Variants in ZNF85 observed in about 807,000 individuals in gnomAD.
ZNF85 encodes the protein zinc finger protein 85.
Under a neutral mutation model 53.9 loss-of-function variants are expected in ZNF85, and 50 were observed. The ratio of observed to expected loss-of-function variants is 0.93; its 90% confidence interval spans 0.74 to 1.17. The LOEUF is 1.17. Ranked by LOEUF, ZNF85 falls within the 50% of genes most tolerant of loss-of-function variation. ZNF85 has a pLI of 0.00. For synonymous variants in ZNF85, 225 were observed against 226.1 expected (o/e 1.00, Z 0.04); for missense variants, 747 against 688.5 (o/e 1.08, Z -0.95).
intron 1 of ZNF85, among the ~76,000 whole-genome samples, chr19:20,930,107 C>G (rs925130586): frequency 1.0e-5 from 1 of 98,492 alleles, no homozygotes; most frequent in African/African-American, 4.0e-5. Flanking sequence ...GGTGACAGAG[C>G]AAGACTCCGT....
intron 1 of ZNF85, among the ~76,000 whole-genome samples, chr19:20,924,448 A>C (rs1454749785): frequency 6.6e-6 from 1 of 152,160 alleles, no homozygotes; most frequent in East Asian, 1.9e-4. Context: ...GACTAGAGCC[A>C]CCTCAGTCTA....
chr19:20,943,984 C>T (rs1973363549), intron 3 of ZNF85: 2 of 312,492 alleles, frequency 6.4e-6, no homozygotes, highest in Admixed American at 6.5e-5. Context: ...TTACTTTCAG[C>T]TTATTTGACT....
rs1972800855 is a variant in ZNF85 at position 20,923,364 on chromosome 19, C to T, written c.-37C>T. On this transcript the variant is annotated 5_prime_UTR_variant, in exon 1 of 4. Transcript: ENST00000328178. ...TGTGGCCTGCAGGTATTGGGAGATC[C>T]ACAGCTAAGACGCCGGGACCCCCTG... 1 of 1,614,088 alleles carries T rather than the reference C, an allele frequency of 6.2e-7. No homozygotes were observed.
chr19:20,938,845 G>GTT (rs1973220665), intron 3 of ZNF85, among the ~76,000 whole-genome samples: 1 of 120,956 alleles, frequency 8.3e-6, no homozygotes, highest in Admixed American at 8.3e-5. Context: ...ACCATATTCT[G>GTT]CTATATGTGT....
Position 20,950,281 on chromosome 19 carries a change from C to A in ZNF85, c.1767C>A (p.Thr589=). ...SVLTKHKIIH[T]GEKLQI is the part of the protein sequence containing the mutation. ...TTACTAAACATAAGATAATTCATACCGGAGAAAAATTACAAATATGAAAAT... is the reference window on the plus strand; with the variant it reads ...TTACTAAACATAAGATAATTCATACAGGAGAAAAATTACAAATATGAAAAT... The change falls in exon 4 of 4, where the codon ACC becomes ACA. Residue 589 remains threonine, a synonymous_variant. Coordinates refer to ENST00000328178, the MANE Select transcript of ZNF85 (RefSeq NM_003429.5). 1.3e-6 allele frequency: 2 copies of A among 1,523,628 alleles called. No individual in the cohort carries two copies. The highest frequency in any genetic ancestry group is 1.8e-6 in the Non-Finnish European group (2 of 1,139,498). 94.4% of individuals were successfully genotyped at this position (1,523,628 alleles called of 1,614,324 possible).
At chr19:20,930,925 A>T (rs2144613231) in intron 1 of ZNF85, among the ~76,000 whole-genome samples, 1 of 152,272 alleles carries the variant, frequency 6.6e-6, no homozygotes. Flanking sequence ...GACATGCACC[A>T]CCACACCCAG....
At chr19:20,931,808 C>T (rs929233958) in intron 1 of ZNF85, among the ~76,000 whole-genome samples, 2 of 151,914 alleles carry the variant, frequency 1.3e-5, no homozygotes, top group South Asian at 2.1e-4. Context: ...GCTGTTTCAT[C>T]GTGTTAGCCA....
chr19:20,946,046 T>TG (rs1185885148), intron 3 of ZNF85, among the ~76,000 whole-genome samples: 5 of 150,670 alleles, frequency 3.3e-5, no homozygotes, highest in Non-Finnish European at 7.4e-5. Flanking sequence ...CCTCAAACGT[T>TG]TTTTTTTTTT....
rs1255282692 is a variant in ZNF85 at position 20,949,664 on chromosome 19, C to T, written c.1150C>T (p.His384Tyr). The change falls in exon 4 of 4, where the codon CAC becomes TAC. Residue 384 changes from histidine to tyrosine, a missense_variant. His to Tyr is a moderately conservative substitution (Grantham distance 83). Coordinates refer to ENST00000328178, the MANE Select transcript of ZNF85 (RefSeq NM_003429.5). Reference protein sequence around the residue: ...KCGKAFNHFSHLTTHKIIHTG... With the variant: ...KCGKAFNHFSYLTTHKIIHTG... ...TGGAAAAGCCTTTAATCATTTCTCA[C>T]ACCTTACTACACATAAGATAATTCA... The T allele has an allele frequency of 8.1e-6, 13 of 1,607,842 alleles. No individual in the cohort carries two copies. The African/African-American group carries it at 1.5e-4, about 18-fold the overall frequency.
chr19:20,933,629 A>G (rs1973079878), intron 1 of ZNF85, among the ~76,000 whole-genome samples: 1 of 152,170 alleles, frequency 6.6e-6, no homozygotes. Flanking sequence ...TTTAAAAAGT[A>G]CCTTCTAACT....
At position 20,948,865 on chromosome 19, in the gene ZNF85, C is replaced by T. The variant is rs199813082; in HGVS notation, c.351C>T (p.Gly117=). Residue 117 remains glycine, a synonymous_variant, in exon 4 of 4, where the codon GGC becomes GGT. Transcript: ENST00000328178. ...ATGAAAATTTACCATTAAGAAAAGGCTGTGAAAGTATGGATGAGTGTAAGA... is the reference window on the plus strand; with the variant it reads ...ATGAAAATTTACCATTAAGAAAAGGTTGTGAAAGTATGGATGAGTGTAAGA... ...CRHENLPLRK[G]CESMDECKMH... The T allele has an allele frequency of 7.8e-5, 126 of 1,613,176 alleles. No individual in the cohort carries two copies. Among genetic ancestry groups the T allele is most frequent in the Middle Eastern group, 5.0e-4 (3 of 6,058 alleles).
At chr19:20,925,099 C>T (rs936730256) in intron 1 of ZNF85, among the ~76,000 whole-genome samples, 1 of 152,172 alleles carries the variant, frequency 6.6e-6, no homozygotes, top group African/African-American at 2.4e-5. Context: ...GGTAGATACC[C>T]AGGGTCTGAG....
At chr19:20,946,926 T>C (rs934756918) in intron 3 of ZNF85, among the ~76,000 whole-genome samples, 1 of 151,706 alleles carries the variant, frequency 6.6e-6, no homozygotes. Context: ...AATTAAAAAG[T>C]TAACTTTATG....
chr19:20,934,984 CT>C lies in ZNF85; in HGVS notation c.167del (p.Leu56ArgfsTer10), dbSNP rs1333431347. 1 of 1,611,196 alleles carries C rather than the reference CT, an allele frequency of 6.2e-7. No individual in the cohort carries two copies. The highest frequency in any genetic ancestry group is 1.3e-5 in the African/African-American group (1 of 74,794). On this transcript the variant is annotated frameshift_variant, in exon 3 of 4. Coordinates refer to ENST00000328178, the MANE Select transcript of ZNF85 (RefSeq NM_003429.5). LOFTEE classifies it high-confidence loss of function. The part of the protein sequence containing the change: ...TVSKPDLITC[L>X]EQGKEAWSMK... ...TTCTAAGCCAGACCTGATCACTTGT[CT>C]GGAGCAAGGGAAAGAGGCCTGGAGT... is the stretch of plus-strand genomic sequence containing the variant.
At chr19:20,937,606 A>C (rs539910333) in intron 3 of ZNF85, among the ~76,000 whole-genome samples, 1 of 152,294 alleles carries the variant, frequency 6.6e-6, no homozygotes, top group Admixed American at 6.5e-5. Context: ...TGCTAATGGC[A>C]GGGCTTATAT....
chr19:20,931,765 G>A (rs963205218), intron 1 of ZNF85, among the ~76,000 whole-genome samples: 32 of 151,566 alleles, frequency 2.1e-4, no homozygotes, highest in African/African-American at 6.5e-4. Flanking sequence ...ATGCCACCAC[G>A]CCTGGCTAAT....
Position 20,950,222 on chromosome 19 carries a change from G to A in ZNF85, c.1708G>A (p.Glu570Lys). The change falls in exon 4 of 4, where the codon GAA becomes AAA. Residue 570 changes from glutamate (E) to lysine (K), a missense_variant. Coordinates refer to ENST00000328178, the MANE Select transcript of ZNF85 (RefSeq NM_003429.5). ...HTGEKPYKCEECDKAFKWSSV... is the reference protein window; with the variant it reads ...HTGEKPYKCEKCDKAFKWSSV... Reference sequence around the variant, plus strand: ...TGGAGAAAAACCTTACAAATGTGAAGAATGTGACAAAGCTTTTAAATGGTC... The same window carrying A: ...TGGAGAAAAACCTTACAAATGTGAAAAATGTGACAAAGCTTTTAAATGGTC... 1.2e-6 allele frequency: 2 copies of A among 1,609,094 alleles called. No homozygotes were observed. Among genetic ancestry groups the A allele is most frequent in the Non-Finnish European group, 1.7e-6 (2 of 1,178,342 alleles).
intron 3 of ZNF85, among the ~76,000 whole-genome samples, chr19:20,938,044 A>G (rs1373589087): frequency 6.6e-6 from 1 of 152,072 alleles, no homozygotes; most frequent in Non-Finnish European, 1.5e-5. Context: ...TATTTTGGAG[A>G]TGGGGTCTTG....
chr19:20,931,948 C>G (rs1031105378), intron 1 of ZNF85, among the ~76,000 whole-genome samples: 1 of 152,068 alleles, frequency 6.6e-6, no homozygotes, highest in Non-Finnish European at 1.5e-5. Context: ...TTGCTGGTGT[C>G]TGTGACAGGG....
Sources: gnomAD v4.1 joint callset for allele counts (sites outside exome capture counted in the v4.1 genomes callset) on GRCh38, gnomAD v4.1.1 for gene constraint, MANE v1.5 for transcripts, NCBI Gene and HGNC (gene_info 2026-07-23, HGNC 2026-07-21) for gene names.